Variants in PRKG1 observed in about 807,000 individuals in gnomAD.
PRKG1 encodes cGMP-dependent protein kinase 1.
PRKG1 carries 35 observed loss-of-function variants against 88.1 expected under a neutral mutation model. The observed-to-expected ratio is 0.40, with a 90% CI of 0.30 to 0.53. The LOEUF (loss-of-function observed/expected upper bound fraction) is 0.53. Among genes scored for constraint, PRKG1 ranks in the 20% least tolerant of loss-of-function variants. The probability of loss-of-function intolerance (pLI) is 0.59; values close to 1 mark genes in which losing one functional copy is unlikely to be tolerated. For synonymous variants in PRKG1, 303 were observed against 292.5 expected (o/e 1.04, Z -0.37); for missense variants, 540 against 839.8 (o/e 0.64, Z 4.41).
intron 5 of PRKG1, among the ~76,000 whole-genome samples, chr10:52,001,523 T>G (rs972195881): frequency 1.3e-5 from 2 of 151,934 alleles, no homozygotes; most frequent in African/African-American, 4.8e-5. Context: ...TGTTGAAAAT[T>G]TTTGCCTCTT....
At chr10:51,729,973 C>T (rs1842233722) in intron 3 of PRKG1, among the ~76,000 whole-genome samples, 1 of 152,100 alleles carries the variant, frequency 6.6e-6, no homozygotes. Flanking sequence ...TCCCACACCA[C>T]GGTGGTACGT....
At chr10:51,874,726 T>A (rs1184301379) in intron 4 of PRKG1, among the ~76,000 whole-genome samples, 2 of 152,204 alleles carry the variant, frequency 1.3e-5, no homozygotes, top group African/African-American at 4.8e-5. Flanking sequence ...TAGAGTTGTT[T>A]ATGTTTGTTT....
In PRKG1 at chr10:51,856,966, T is replaced by TAAA. The variant is rs748890081; in HGVS notation, c.699-50535_699-50533dup. Among the ~76,000 whole-genome samples the TAAA allele has an allele frequency of 1.4e-4, 14 of 96,786 alleles. 1 individual carries two copies. The highest frequency in any genetic ancestry group is 2.9e-4 in the Admixed American group (3 of 10,230). The allele number at this position is 96,786 out of a possible 152,430, so 63.5% of individuals were successfully genotyped here. Reference sequence around the variant, plus strand: ...GCGACAGAGCGAGACTCCGTCTTACTAAAAAAAAGAAAAAAAAAAAAAGAA... The same window carrying TAAA: ...GCGACAGAGCGAGACTCCGTCTTACTAAAAAAAAAAAGAAAAAAAAAAAAAGAA... On this transcript the variant is annotated intron_variant, in intron 4 of 17. Coordinates refer to ENST00000373980, the MANE Select transcript of PRKG1 (RefSeq NM_006258.4).
At chr10:52,289,325 C>A (rs1398401295) in intron 16 of PRKG1, among the ~76,000 whole-genome samples, 1 of 152,084 alleles carries the variant, frequency 6.6e-6, no homozygotes, top group East Asian at 1.9e-4. Context: ...AAGTCCCCTA[C>A]TGTATCTTAC....
chr10:51,303,812 TAC>T (rs1006829151), intron 2 of PRKG1, among the ~76,000 whole-genome samples: 5 of 150,004 alleles, frequency 3.3e-5, no homozygotes, highest in African/African-American at 9.8e-5. Context: ...TATATATATA[TAC>T]ACACACACAC....
chr10:51,408,211 C>T (rs932441174), intron 2 of PRKG1, among the ~76,000 whole-genome samples: 2 of 152,162 alleles, frequency 1.3e-5, no homozygotes, highest in African/African-American at 2.4e-5. Context: ...AGAACTTTGT[C>T]CCAGCCCTGC....
chr10:51,349,613 T>C (rs77414806), intron 2 of PRKG1, among the ~76,000 whole-genome samples: 10,370 of 151,760 alleles, frequency 0.068, 499 homozygotes, highest in Middle Eastern at 0.12. Flanking sequence ...ATCAAGCGAT[T>C]CTCCTGCCTT....
rs753226606 is a variant in PRKG1 at position 51,153,226 on chromosome 10, C to T, written c.374C>T (p.Ser125Leu). The T allele has an allele frequency of 3.1e-6, 5 of 1,612,248 alleles. No homozygotes were observed. Among genetic ancestry groups the T allele is most frequent in the South Asian group, 1.1e-5 (1 of 91,026 alleles). The change falls in exon 2 of 18, where the codon TCG becomes TTG. Residue 125 changes from serine to leucine, a missense_variant. Ser to Leu is a moderately radical substitution (Grantham distance 145, BLOSUM62 -2). Coordinates refer to ENST00000373980, the MANE Select transcript of PRKG1 (RefSeq NM_006258.4). ...GACTTTATGAAGAACTTGGAGCTGT[C>T]GCAGATCCAGGAGATTGTGGATTGT... ...DNDFMKNLEL[S>L]QIQEIVDCMY...
At chr10:51,321,906 T>C (rs565945277) in intron 2 of PRKG1, among the ~76,000 whole-genome samples, 48 of 152,150 alleles carry the variant, frequency 3.2e-4, no homozygotes, top group African/African-American at 1.1e-3. Context: ...CCTCAAAAAT[T>C]AAAAATTAAA....
intron 5 of PRKG1, among the ~76,000 whole-genome samples, chr10:52,000,154 A>C (rs981281917): frequency 6.6e-6 from 1 of 152,102 alleles, no homozygotes; most frequent in Admixed American, 6.6e-5. Context: ...GGGAGATAAT[A>C]AAAAAGCAGA....
intron 1 of PRKG1, among the ~76,000 whole-genome samples, chr10:51,141,360 T>A (rs1353192640): frequency 6.6e-6 from 1 of 152,224 alleles, no homozygotes; most frequent in Non-Finnish European, 1.5e-5. Flanking sequence ...CAGTGATTGT[T>A]GTGACCTTAT....
At chr10:51,991,650 G>A (rs973932402) in intron 5 of PRKG1, among the ~76,000 whole-genome samples, 6 of 152,156 alleles carry the variant, frequency 3.9e-5, no homozygotes, top group African/African-American at 1.2e-4. Flanking sequence ...TTGTCTTTGC[G>A]ATAGTTTGCT....
At chr10:51,060,019 A>G (rs1843676277) in intron 1 of PRKG1, among the ~76,000 whole-genome samples, 2 of 152,160 alleles carry the variant, frequency 1.3e-5, no homozygotes, top group Admixed American at 1.3e-4. Context: ...ATTTAGAATT[A>G]TAATTACTTT....
At chr10:51,928,181 A>G (rs1192366233) in intron 5 of PRKG1, among the ~76,000 whole-genome samples, 1 of 152,200 alleles carries the variant, frequency 6.6e-6, no homozygotes, top group African/African-American at 2.4e-5. Flanking sequence ...GGTGGGAGAG[A>G]AAAAGTGTTA....
At chr10:52,057,014 T>C (rs2133259215) in intron 6 of PRKG1, among the ~76,000 whole-genome samples, 1 of 152,280 alleles carries the variant, frequency 6.6e-6, no homozygotes, top group East Asian at 1.9e-4. Flanking sequence ...ATATGTCATA[T>C]GTTTTGTTTT....
At chr10:51,670,845 T>G (rs986879300) in intron 3 of PRKG1, among the ~76,000 whole-genome samples, 5 of 151,962 alleles carry the variant, frequency 3.3e-5, no homozygotes, top group African/African-American at 1.2e-4. Context: ...AGTATTTTTA[T>G]CCTACTCCTG....
At chr10:51,728,072 G>GA (rs1157787607) in intron 3 of PRKG1, among the ~76,000 whole-genome samples, 4 of 151,400 alleles carry the variant, frequency 2.6e-5, no homozygotes, top group Non-Finnish European at 2.9e-5. Context: ...CCACACAGAA[G>GA]AAAAAAAAGG....
chr10:51,880,978 A>G (rs1036357190), intron 4 of PRKG1, among the ~76,000 whole-genome samples: 5 of 152,056 alleles, frequency 3.3e-5, no homozygotes, highest in African/African-American at 7.3e-5. Context: ...AAGAAAAAAT[A>G]AAAGGCTTGT....
chr10:52,264,443 A>G (rs1411024109), intron 10 of PRKG1, among the ~76,000 whole-genome samples: 2 of 151,580 alleles, frequency 1.3e-5, no homozygotes, highest in Non-Finnish European at 1.5e-5. Flanking sequence ...ACATTTCACT[A>G]CAGCACTTGT....
Sources: gnomAD v4.1 joint callset for allele counts (sites outside exome capture counted in the v4.1 genomes callset) on GRCh38, gnomAD v4.1.1 for gene constraint, MANE v1.5 for transcripts, NCBI Gene and HGNC (gene_info 2026-07-23, HGNC 2026-07-21) for gene names.